The following SPTLC3 variants were observed in gnomAD, a reference collection of about 807,000 sequenced individuals.
SPTLC3 encodes serine palmitoyltransferase 3.
In SPTLC3, 36 loss-of-function variants were observed where a neutral mutation model predicts 59.3. That is an observed-to-expected ratio of 0.61 (90% CI 0.47 to 0.80). The LOEUF (loss-of-function observed/expected upper bound fraction) is 0.80. Among genes scored for constraint, SPTLC3 ranks in the 30% least tolerant of loss-of-function variants. The pLI is 0.00. For synonymous variants in SPTLC3, 257 were observed against 240.8 expected (o/e 1.07, Z -0.62); for missense variants, 625 against 685.1 (o/e 0.91, Z 0.98).
intron 2 of SPTLC3, among the ~76,000 whole-genome samples, chr20:13,066,024 A>T (rs1099685): frequency 0.41 from 62,249 of 152,078 alleles, 12,825 homozygotes; most frequent in Middle Eastern, 0.56. Context: ...TTATGCGTAC[A>T]ACATAATTGA....
At chr20:13,014,288 T>C (rs1985407793) in intron 1 of SPTLC3, among the ~76,000 whole-genome samples, 1 of 152,068 alleles carries the variant, frequency 6.6e-6, no homozygotes, top group East Asian at 1.9e-4. Flanking sequence ...ACAATAGAAA[T>C]ATATGGACCT....
At chr20:13,118,903 CAG>C (rs1990744438) in intron 8 of SPTLC3, among the ~76,000 whole-genome samples, 1 of 152,244 alleles carries the variant, frequency 6.6e-6, no homozygotes, top group African/African-American at 2.4e-5. Flanking sequence ...TTAAAATGTT[CAG>C]AGTTTTAAGT....
chr20:13,137,149 A>G (rs1343981494), intron 9 of SPTLC3, among the ~76,000 whole-genome samples: 2 of 152,174 alleles, frequency 1.3e-5, no homozygotes, highest in Admixed American at 6.5e-5. Flanking sequence ...ACTAATTGCT[A>G]TCAGACCAAG....
intron 1 of SPTLC3, among the ~76,000 whole-genome samples, chr20:13,038,845 A>C (rs1221544817): frequency 3.9e-5 from 6 of 152,094 alleles, no homozygotes; most frequent in Non-Finnish European, 7.4e-5. Flanking sequence ...ACATGTCTTC[A>C]TTTTTATTTA....
intron 2 of SPTLC3, among the ~76,000 whole-genome samples, chr20:13,063,100 T>C (rs1568584217): frequency 6.6e-6 from 1 of 152,212 alleles, no homozygotes; most frequent in Non-Finnish European, 1.5e-5. Context: ...ATTATCAACA[T>C]TTAAAAATTG....
intron 1 of SPTLC3, among the ~76,000 whole-genome samples, chr20:13,043,837 G>A (rs1411075821): frequency 6.6e-6 from 1 of 151,968 alleles, no homozygotes; most frequent in Non-Finnish European, 1.5e-5. Context: ...CTGTCCCATT[G>A]CCTTCACATT....
Position 13,031,583 on chromosome 20 carries a change from T to C in SPTLC3, c.118-17362T>C, listed in dbSNP as rs185564551. Among the ~76,000 whole-genome samples the C allele has an allele frequency of 1.5e-4, 23 of 152,314 alleles. 1 individual carries two copies. Among genetic ancestry groups the C allele is most frequent in the East Asian group, 1.3e-3 (7 of 5,186 alleles). ...CTTGGCTAGACTTCTTGCTCTCTAG[T>C]CTTAAAAGGTTCTATTTTTGTTCTA... On this transcript the variant is annotated intron_variant, in intron 1 of 11. Coordinates refer to ENST00000399002, the MANE Select transcript of SPTLC3 (RefSeq NM_018327.4).
chr20:13,138,660 T>A (rs1167284307), intron 9 of SPTLC3, among the ~76,000 whole-genome samples: 2 of 152,218 alleles, frequency 1.3e-5, no homozygotes, highest in South Asian at 4.1e-4. Flanking sequence ...GGAGGTTACT[T>A]ATAGAATTAT....
At chr20:13,088,484 G>A (rs1015756350) in intron 4 of SPTLC3, among the ~76,000 whole-genome samples, 10 of 151,938 alleles carry the variant, frequency 6.6e-5, no homozygotes, top group South Asian at 2.1e-4. Context: ...ACAGGCGCCC[G>A]CCACCACGCC....
chr20:13,026,512 G>A (rs1053475134), intron 1 of SPTLC3, among the ~76,000 whole-genome samples: 10 of 152,066 alleles, frequency 6.6e-5, no homozygotes, highest in African/African-American at 2.2e-4. Flanking sequence ...TTTTGGCCAC[G>A]TGTATGTCTT....
chr20:13,156,402 C>T (rs765813338), intron 10 of SPTLC3, among the ~76,000 whole-genome samples: 2 of 152,118 alleles, frequency 1.3e-5, no homozygotes, highest in African/African-American at 4.8e-5. Context: ...ATGCTATGAA[C>T]GATATGCTTC....
At chr20:13,074,573 C>A in intron 4 of SPTLC3, 76 bp downstream of exon 4, 2 of 1,427,482 alleles carry the variant, frequency 1.4e-6, no homozygotes, top group Non-Finnish European at 1.9e-6. Flanking sequence ...AAATCTAGAT[C>A]ATATTTGGAC....
intron 9 of SPTLC3, among the ~76,000 whole-genome samples, chr20:13,143,351 A>G (rs553437864): frequency 6.6e-6 from 1 of 151,904 alleles, no homozygotes; most frequent in Non-Finnish European, 1.5e-5. Context: ...GTATGAAAGT[A>G]TATATATATA....
intron 4 of SPTLC3, among the ~76,000 whole-genome samples, chr20:13,074,959 C>A (rs903996648): frequency 6.6e-6 from 1 of 152,126 alleles, no homozygotes; most frequent in Non-Finnish European, 1.5e-5. Context: ...GAGCAGCCTG[C>A]CTCTTTATTT....
intron 6 of SPTLC3, among the ~76,000 whole-genome samples, chr20:13,093,786 C>G (rs538012993): frequency 1.8e-4 from 27 of 152,242 alleles, no homozygotes; most frequent in African/African-American, 6.0e-4. Context: ...AAGTGTAACC[C>G]AAACACATTA....
At chr20:13,108,842 T>G (rs1335086177) in intron 6 of SPTLC3, among the ~76,000 whole-genome samples, 1 of 152,204 alleles carries the variant, frequency 6.6e-6, no homozygotes, top group Non-Finnish European at 1.5e-5. Context: ...GTGAGCATTT[T>G]AAATGGTGTT....
chr20:13,147,098 G>A (rs1465188791), intron 9 of SPTLC3, among the ~76,000 whole-genome samples: 1 of 152,174 alleles, frequency 6.6e-6, no homozygotes, highest in Non-Finnish European at 1.5e-5. Flanking sequence ...TCGAAATCAG[G>A]CCATGCCGAC....
chr20:13,163,589 G>A (rs964365847), intron 11 of SPTLC3, among the ~76,000 whole-genome samples: 1 of 151,800 alleles, frequency 6.6e-6, no homozygotes, highest in African/African-American at 2.4e-5. Flanking sequence ...TTTGATGTAG[G>A]AAATTTAGAA....
At chr20:13,051,168 C>A (rs997493570) in intron 2 of SPTLC3, 2 of 152,188 alleles carry the variant, frequency 1.3e-5, no homozygotes, top group Non-Finnish European at 2.9e-5. Context: ...TAAGAACTCA[C>A]CAACCAACTA....
Sources: allele counts gnomAD v4.1 joint callset (sites outside exome capture counted in the v4.1 genomes callset), GRCh38; gene constraint gnomAD v4.1.1; transcripts MANE v1.5; gene names NCBI Gene and HGNC (gene_info 2026-07-23, HGNC 2026-07-21).